The following FNBP1 variants were observed in gnomAD, a reference collection of about 807,000 sequenced individuals.
FNBP1 encodes formin-binding protein 1.
A neutral mutation model predicts 90.6 loss-of-function variants in FNBP1; 26 were observed. The ratio of observed to expected loss-of-function variants is 0.29; its 90% CI spans 0.21 to 0.40. The LOEUF (loss-of-function observed/expected upper bound fraction) is 0.40. Ranked by LOEUF, FNBP1 falls within the 10% of genes least tolerant of loss-of-function variation. The pLI, the probability that FNBP1 is intolerant of heterozygous loss-of-function variation, is 1.00. For synonymous variants in FNBP1, 260 were observed against 265.2 expected (o/e 0.98, Z 0.19); for missense variants, 635 against 768.0 (o/e 0.83, Z 2.05).
intron 4 of FNBP1, among the ~76,000 whole-genome samples, chr9:129,959,913 G>A (rs1490906126): frequency 2.0e-5 from 3 of 152,108 alleles, no homozygotes; most frequent in South Asian, 4.1e-4. Context: ...CATGGTCTGA[G>A]GCCTTTGGTA....
At chr9:129,987,550 A>C (rs2052474493) in intron 2 of FNBP1, among the ~76,000 whole-genome samples, 1 of 151,948 alleles carries the variant, frequency 6.6e-6, no homozygotes, top group South Asian at 2.1e-4. Context: ...ACCAAAGTTT[A>C]ATATTTATTT....
At position 129,900,392 on chromosome 9, in the gene FNBP1, C is replaced by G. The variant is rs868352818; in HGVS notation, c.1550+34G>C. 1.3e-6 allele frequency: 2 copies of G among 1,498,722 alleles called. No homozygotes were observed. Among genetic ancestry groups the G allele is most frequent in the Middle Eastern group, 1.8e-4 (1 of 5,532 alleles). 92.8% of individuals were successfully genotyped at this position (1,498,722 alleles called of 1,614,324 possible). A position where few individuals can be genotyped will look rare whatever the true frequency, so the allele number is the denominator to read the frequency against. On this transcript the variant is annotated intron_variant, in intron 14 of 16. Transcript: ENST00000446176. This position sits in a 1 kb window ranked among gnomAD's most constrained non-coding sequence, Gnocchi z 4.1. Reference sequence around the variant, plus strand: ...AATAAATACAAAGCCAACAGGCTCCCTTGCCAGAGGCAGGCGCTGTGCAGA... The same window carrying G: ...AATAAATACAAAGCCAACAGGCTCCGTTGCCAGAGGCAGGCGCTGTGCAGA...
intron 1 of FNBP1, among the ~76,000 whole-genome samples, chr9:129,996,642 T>C (rs76963861): frequency 6.6e-6 from 1 of 152,362 alleles, no homozygotes; most frequent in African/African-American, 2.4e-5. Context: ...TGTTTAATCC[T>C]ACGCTTGTGC....
In FNBP1 at chr9:129,966,468, C is replaced by T. The variant is rs2048657795; in HGVS notation, c.346-7915G>A. ...TGACAGCCGGATGCAGTGGCTCACG[C>T]CTGTAATCCCAGCACTTTGGGAGGT... On this transcript the variant is annotated intron_variant, in intron 4 of 16. Coordinates refer to ENST00000446176, the MANE Select transcript of FNBP1 (RefSeq NM_015033.3). This position sits in a 1 kb window ranked among gnomAD's most constrained non-coding sequence, Gnocchi z 4.3. Among the ~76,000 whole-genome samples, 1 of 152,126 alleles carries T rather than the reference C, an allele frequency of 6.6e-6. No individual in the cohort carries two copies. The highest frequency in any genetic ancestry group is 2.1e-4 in the South Asian group (1 of 4,826).
At chr9:129,961,455 A>C (rs532499503) in intron 4 of FNBP1, among the ~76,000 whole-genome samples, 2 of 152,326 alleles carry the variant, frequency 1.3e-5, no homozygotes, top group African/African-American at 2.4e-5. Flanking sequence ...AAGCCAGGAG[A>C]CCAAAGAAGA....
At chr9:130,046,976 G>A (rs372019935), upstream of FNBP1, among the ~76,000 whole-genome samples, 9 of 151,924 alleles carry the variant, frequency 5.9e-5, no homozygotes, top group South Asian at 2.1e-4. Flanking sequence ...TAAACAGTTC[G>A]TCAAAAAAGA....
At chr9:130,035,934 G>A (rs761610786) in intron 1 of FNBP1, among the ~76,000 whole-genome samples, 2 of 151,858 alleles carry the variant, frequency 1.3e-5, no homozygotes, top group African/African-American at 2.4e-5. Context: ...CGACAAGAGC[G>A]AAACTCCATC....
rs115046962 is a variant in FNBP1, at chr9:130,033,279, C to T, written c.24+9673G>A. On this transcript the variant is annotated intron_variant, in intron 1 of 16. Coordinates refer to ENST00000446176, the MANE Select transcript of FNBP1 (RefSeq NM_015033.3). ...AGGAACAGAGATGCAAGGACTTGCC[C>T]GATACTAATAAATATTAGATTAGGT... Among the ~76,000 whole-genome samples, 1,006 of 152,198 alleles carry T rather than the reference C, an allele frequency of 6.6e-3. 10 individuals are homozygous for T. Among genetic ancestry groups the T allele is most frequent in the African/African-American group, 0.023 (966 of 41,522 alleles).
rs146188683 is a variant in FNBP1, at chr9:129,992,059, A to G, written c.140+2784T>C. Reference sequence around the variant, plus strand: ...ATCCATATCTGTGAGTCATTGCCATATGGATTATACCTAAAGCCATGAGAC... The same window carrying G: ...ATCCATATCTGTGAGTCATTGCCATGTGGATTATACCTAAAGCCATGAGAC... On this transcript the variant is annotated intron_variant, in intron 2 of 16. Coordinates refer to ENST00000446176, the MANE Select transcript of FNBP1 (RefSeq NM_015033.3). Among the ~76,000 whole-genome samples the G allele has an allele frequency of 1.6e-3, 250 of 152,280 alleles. 4 individuals are homozygous for G. In the South Asian group the frequency reaches 0.039, roughly 23 times the overall value.
At chr9:129,929,477 T>C in intron 7 of FNBP1, 90 bp downstream of exon 7, 1 of 964,250 alleles carries the variant, frequency 1.0e-6, no homozygotes, top group Non-Finnish European at 1.5e-6. Context: ...AGACTCAGAA[T>C]ACAAACCCAG....
chr9:129,972,074 G>C (rs879770894), intron 4 of FNBP1, among the ~76,000 whole-genome samples: 2 of 152,058 alleles, frequency 1.3e-5, no homozygotes, highest in Non-Finnish European at 2.9e-5. Flanking sequence ...ATAGTAGCTG[G>C]GTCTAAAATG....
At chr9:129,922,737 G>A (rs2041287200) in intron 10 of FNBP1, among the ~76,000 whole-genome samples, 1 of 152,082 alleles carries the variant, frequency 6.6e-6, no homozygotes, top group South Asian at 2.1e-4. Context: ...TGTGACTTAT[G>A]ACTCTTCTCC....
At chr9:129,953,896 A>C (rs1185944927) in intron 6 of FNBP1, among the ~76,000 whole-genome samples, 1 of 151,916 alleles carries the variant, frequency 6.6e-6, no homozygotes, top group Non-Finnish European at 1.5e-5. Flanking sequence ...CAAAGATAAA[A>C]TCTGATACTA....
intron 4 of FNBP1, among the ~76,000 whole-genome samples, chr9:129,973,555 C>A (rs2049821612): frequency 6.6e-6 from 1 of 152,092 alleles, no homozygotes; most frequent in African/African-American, 2.4e-5. Flanking sequence ...GGCTGGAGTG[C>A]AGTGGCGCGA....
chr9:130,024,161 A>C (rs1304514226), intron 1 of FNBP1, among the ~76,000 whole-genome samples: 1 of 151,986 alleles, frequency 6.6e-6, no homozygotes, highest in African/African-American at 2.4e-5. Context: ...AGTAATCCCA[A>C]CACTTTGGGA....
intron 2 of FNBP1, among the ~76,000 whole-genome samples, chr9:129,985,707 A>G (rs968551822): frequency 1.3e-5 from 2 of 152,080 alleles, no homozygotes; most frequent in Non-Finnish European, 2.9e-5. Context: ...CATGCCTATA[A>G]TCCCAGCACT....
intron 1 of FNBP1, among the ~76,000 whole-genome samples, chr9:130,033,608 C>A (rs1321818694): frequency 6.6e-6 from 1 of 151,878 alleles, no homozygotes; most frequent in Non-Finnish European, 1.5e-5. Context: ...GAGGCCGAGG[C>A]CGGTGATCAC....
chr9:130,042,915 G>A lies in FNBP1; in HGVS notation c.24+37C>T. Reference sequence around the variant, plus strand: ...CAGGCCGCGGGGAAACGCAGCGCGCGCCCCGCATCTGCCCGCGGGCCCAGC... The same window carrying A: ...CAGGCCGCGGGGAAACGCAGCGCGCACCCCGCATCTGCCCGCGGGCCCAGC... On this transcript the variant is annotated intron_variant, in intron 1 of 16. Transcript: ENST00000446176. This position sits in a 1 kb window ranked among gnomAD's most constrained non-coding sequence, Gnocchi z 5.5. The A allele has an allele frequency of 8.2e-7, 1 of 1,216,410 alleles. No homozygotes were observed. Among genetic ancestry groups the A allele is most frequent in the Non-Finnish European group, 1.0e-6 (1 of 973,292 alleles). The allele number at this position is 1,216,410 out of a possible 1,614,324, so 75.4% of individuals were successfully genotyped here. A position where few individuals can be genotyped will look rare whatever the true frequency, so the allele number is the denominator to read the frequency against.
chr9:129,955,792 C>T (rs1181539572), intron 6 of FNBP1, among the ~76,000 whole-genome samples: 2 of 150,380 alleles, frequency 1.3e-5, no homozygotes. Context: ...GAGACCATAT[C>T]TCGGTATCTC....
Sources: gnomAD v4.1 joint callset for allele counts (sites outside exome capture counted in the v4.1 genomes callset) on GRCh38, gnomAD v4.1.1 for gene constraint, Gnocchi (gnomAD v3.1) non-coding constraint, MANE v1.5 for transcripts, NCBI Gene and HGNC (gene_info 2026-07-23, HGNC 2026-07-21) for gene names.